Variants in HDAC8 observed in about 807,000 individuals in gnomAD.
HDAC8 encodes the protein histone deacetylase-like 1.
HDAC8 carries 1 observed loss-of-function variant against 32.2 expected under a neutral mutation model. The observed-to-expected ratio is 0.03, with a 90% CI of 0.01 to 0.15. HDAC8 has a LOEUF of 0.15. HDAC8 is among the 10% of genes least tolerant of loss of function. The pLI is 1.00. For missense variants in HDAC8, 117 were observed against 300.0 expected (o/e 0.39, Z 4.51); for synonymous variants, 108 against 113.9 (o/e 0.95, Z 0.33).
intron 9 of HDAC8, among the ~76,000 whole-genome samples, chrX:72,384,891 G>C (rs1244905710): frequency 1.8e-5 from 2 of 111,637 alleles, no homozygotes; most frequent in African/African-American, 6.5e-5. Flanking sequence ...ACGGTGTCCT[G>C]TAATTCCCTT....
In HDAC8 at chrX:72,446,429, G is replaced by A. The variant is rs12845931; in HGVS notation, c.1005+15575C>T. ...AAATCATCATTCTCAGTAAACTATC[G>A]CAAGGACAAAAAACCAAACACTGCA... On this transcript the variant is annotated intron_variant, in intron 9 of 10. Coordinates refer to ENST00000373573, the MANE Select transcript of HDAC8 (RefSeq NM_018486.3). Among the ~76,000 whole-genome samples the A allele has an allele frequency of 1.4e-3, 157 of 110,116 alleles. 1 individual carries two copies. The highest frequency in any genetic ancestry group is 2.6e-3 in the Non-Finnish European group (136 of 52,744).
intron 10 of HDAC8, among the ~76,000 whole-genome samples, chrX:72,337,487 A>C (rs1602511015): frequency 9.0e-6 from 1 of 110,976 alleles, no homozygotes; most frequent in African/African-American, 3.3e-5. Flanking sequence ...CTTTGTTTAC[A>C]ACCTTCCTTT....
chrX:72,352,730 G>A (rs1412264757), intron 9 of HDAC8, among the ~76,000 whole-genome samples: 3 of 111,942 alleles, frequency 2.7e-5, no homozygotes, highest in Non-Finnish European at 5.6e-5. Flanking sequence ...CAAAATAAAT[G>A]TTTGTGGATT....
At chrX:72,567,660 G>T in intron 4 of HDAC8, 2 of 1,060,530 alleles carry the variant, frequency 1.9e-6, no homozygotes, top group Non-Finnish European at 2.6e-6. Flanking sequence ...AGTTAGCCAA[G>T]TTAGAAAAAC....
chrX:72,568,690 A>T (rs1163531001), intron 3 of HDAC8, 64 bp downstream of exon 3: 5 of 1,141,903 alleles, frequency 4.4e-6, no homozygotes, highest in Non-Finnish European at 6.0e-6. Context: ...TATTAAAAAA[A>T]TCATACAAGT....
At chrX:72,467,153 A>C (rs2048039858) in intron 7 of HDAC8, 1 of 106,340 alleles carries the variant, frequency 9.4e-6, no homozygotes, top group African/African-American at 3.5e-5. Context: ...GCAAGGCTAC[A>C]TGTGTGATAA....
At chrX:72,419,552 A>G (rs1233491706) in intron 9 of HDAC8, among the ~76,000 whole-genome samples, 2 of 111,608 alleles carry the variant, frequency 1.8e-5, no homozygotes, top group African/African-American at 3.2e-5. Context: ...ACGAAAAGAC[A>G]ACCTACAGGA....
chrX:72,414,662 T>TGTTA (rs1207745426), intron 9 of HDAC8, among the ~76,000 whole-genome samples: 4 of 111,768 alleles, frequency 3.6e-5, no homozygotes, highest in Admixed American at 9.5e-5. Context: ...AGTAAACATA[T>TGTTA]GTTACTGTTT....
intron 9 of HDAC8, among the ~76,000 whole-genome samples, chrX:72,456,670 G>A (rs1009963496): frequency 1.3e-4 from 14 of 110,544 alleles, no homozygotes; most frequent in East Asian, 2.8e-4. Flanking sequence ...GTGGTGGTGC[G>A]CGCCTATAGT....
intron 9 of HDAC8, among the ~76,000 whole-genome samples, chrX:72,395,071 A>AAAAAC (rs1555965225): frequency 8.9e-6 from 1 of 112,098 alleles, no homozygotes; most frequent in Non-Finnish European, 1.9e-5. Context: ...AGTGCTGCTA[A>AAAAAC]AAAACAAAAC....
intron 1 of HDAC8, 185 bp from the exon 2 acceptor site, chrX:72,572,294 A>T: frequency 2.2e-6 from 1 of 444,759 alleles, no homozygotes; most frequent in Non-Finnish European, 3.7e-6. Context: ...AAGTATCAAA[A>T]TCACTAAGGT....
intron 4 of HDAC8, among the ~76,000 whole-genome samples, chrX:72,561,408 A>C (rs1222467082): frequency 8.9e-6 from 1 of 112,315 alleles, no homozygotes; most frequent in Non-Finnish European, 1.9e-5. Flanking sequence ...ATCTTTGACA[A>C]AGCAAACAAA....
chrX:72,431,875 T>A (rs1031932828), intron 9 of HDAC8, among the ~76,000 whole-genome samples: 2 of 112,356 alleles, frequency 1.8e-5, no homozygotes, highest in Non-Finnish European at 3.8e-5. Context: ...TTATATGTAT[T>A]ACAAGTATAT....
At chrX:72,455,648 G>A (rs1315008454) in intron 9 of HDAC8, among the ~76,000 whole-genome samples, 2 of 112,299 alleles carry the variant, frequency 1.8e-5, no homozygotes, top group African/African-American at 6.5e-5. Flanking sequence ...TTTTTTGAGT[G>A]AAAATTAGAA....
chrX:72,413,261 TCCCCCCA>T (rs373399187), intron 9 of HDAC8, among the ~76,000 whole-genome samples: 4,956 of 54,635 alleles, frequency 0.091, 585 homozygotes, highest in African/African-American at 0.31. Context: ...ACGCTGTCCC[TCCCCCCA>T]CCCCCCACCC....
chrX:72,438,976 A>G (rs1194061129), intron 9 of HDAC8, among the ~76,000 whole-genome samples: 1 of 111,389 alleles, frequency 9.0e-6, no homozygotes, highest in Non-Finnish European at 1.9e-5. Context: ...CCACAAAGAT[A>G]CTCCTCGAGA....
At chrX:72,352,007 T>G (rs1457311625) in intron 9 of HDAC8, among the ~76,000 whole-genome samples, 169 bp from the exon 10 acceptor site, 1 of 111,951 alleles carries the variant, frequency 8.9e-6, no homozygotes, top group Non-Finnish European at 1.9e-5. Context: ...GTATCACTAC[T>G]CCCCTTGCTC....
chrX:72,495,277 A>T lies in HDAC8; in HGVS notation c.438-9T>A. ...AACCAGATGCTTCATCTCTGTAAGA[A>T]AACAAGTTGCTACAGCCAACAGCCA... On this transcript the variant is annotated splice_polypyrimidine_tract_variant and intron_variant, in intron 4 of 10. Transcript: ENST00000373573. The T allele has an allele frequency of 8.7e-7, 1 of 1,150,303 alleles. No homozygotes were observed. The highest frequency in any genetic ancestry group is 2.2e-5 in the Admixed American group (1 of 45,499). 94.8% of individuals were successfully genotyped at this position (1,150,303 alleles called of 1,213,427 possible). A position where few individuals can be genotyped will look rare whatever the true frequency, so the allele number is the denominator to read the frequency against.
intron 10 of HDAC8, among the ~76,000 whole-genome samples, chrX:72,333,157 CT>C (rs2043579759): frequency 9.0e-6 from 1 of 110,691 alleles, no homozygotes; most frequent in African/African-American, 3.3e-5. Context: ...AAAAAAATCT[CT>C]GGATAATCTT....
Sources: gnomAD v4.1 joint callset for allele counts (sites outside exome capture counted in the v4.1 genomes callset) on GRCh38, gnomAD v4.1.1 for gene constraint, MANE v1.5 for transcripts, NCBI Gene and HGNC (gene_info 2026-07-23, HGNC 2026-07-21) for gene names.